SMCO2: variants seen among roughly 807,000 people sequenced by gnomAD.
The protein encoded by SMCO2 is single-pass membrane protein with coiled-coil domains 2, also known as single-pass membrane and coiled-coil domain-containing protein 2.
Under a neutral mutation model 29.5 loss-of-function variants are expected in SMCO2, and 25 were observed. That is an observed-to-expected ratio of 0.85 (90% CI 0.62 to 1.18). SMCO2 has a LOEUF of 1.18. Ranked by LOEUF, SMCO2 falls within the 50% of genes most tolerant of loss-of-function variation. The pLI is 0.00. For missense variants in SMCO2, 348 were observed against 344.5 expected, an observed-to-expected ratio of 1.01 and a Z score of -0.08; for synonymous variants, 117 against 123.3, an observed-to-expected ratio of 0.95 and a Z score of 0.34.
intron 4 of SMCO2, among the ~76,000 whole-genome samples, chr12:27,478,187 G>C (rs1430505101): frequency 6.6e-6 from 1 of 152,194 alleles, no homozygotes; most frequent in Non-Finnish European, 1.5e-5. Flanking sequence ...ATCAGCGTCA[G>C]TGGTATCTGT....
chr12:27,465,109 G>A (rs1949489189), upstream of SMCO2, among the ~76,000 whole-genome samples: 1 of 151,770 alleles, frequency 6.6e-6, no homozygotes, highest in African/African-American at 2.4e-5. Context: ...GAGTACCTGT[G>A]AGAACCCAGT....
chr12:27,451,845 C>T, the SMCO2 span, among the ~76,000 whole-genome samples: 1 of 152,208 alleles, frequency 6.6e-6, no homozygotes, highest in Non-Finnish European at 1.5e-5. Flanking sequence ...CATGGCTTCT[C>T]CTGTCCCAAC....
At chr12:27,430,776 A>G in the SMCO2 span, among the ~76,000 whole-genome samples, 3 of 152,100 alleles carry the variant, frequency 2.0e-5, no homozygotes, top group Non-Finnish European at 4.4e-5. Flanking sequence ...AAATGCTGGT[A>G]TTATCCCCCA....
intron 1 of SMCO2, among the ~76,000 whole-genome samples, chr12:27,469,420 G>A (rs575430077): frequency 2.0e-5 from 3 of 152,088 alleles, no homozygotes; most frequent in Non-Finnish European, 2.9e-5. Context: ...CAGAATGATC[G>A]ACCAAGCCCT....
upstream of SMCO2, among the ~76,000 whole-genome samples, chr12:27,465,028 C>CAA (rs35630976): frequency 7.1e-3 from 415 of 58,794 alleles, no homozygotes; most frequent in Middle Eastern, 0.045. Context: ...GACCCTGTCT[C>CAA]AAAAAAAAAA....
At chr12:27,501,648 G>C (rs1424992690) in intron 7 of SMCO2, among the ~76,000 whole-genome samples, 4 of 150,194 alleles carry the variant, frequency 2.7e-5, no homozygotes, top group African/African-American at 1.0e-4. Context: ...TAACCTGCTA[G>C]GATGTGAGAA....
At position 27,495,874 on chromosome 12, in the gene SMCO2, C is replaced by A. The variant is rs1942995051; in HGVS notation, c.683+19C>A. 2 of 1,423,072 alleles carry A rather than the reference C, an allele frequency of 1.4e-6. No homozygotes were observed. Among genetic ancestry groups the A allele is most frequent in the Non-Finnish European group, 1.9e-6 (2 of 1,067,798 alleles). 88.2% of individuals were successfully genotyped at this position (1,423,072 alleles called of 1,614,324 possible). The stretch of plus-strand genomic sequence containing the variant: ...CAGCATGGTAAGTCAGAGCAAGAGG[C>A]CATTCAGGGCTGGATGACTGCCCCA... On this transcript the variant is annotated intron_variant, in intron 7 of 7. Transcript: ENST00000298876.
chr12:27,472,614 G>A (rs1297743382), intron 2 of SMCO2, among the ~76,000 whole-genome samples, 162 bp from the exon 3 acceptor site: 2 of 152,160 alleles, frequency 1.3e-5, no homozygotes, highest in Non-Finnish European at 2.9e-5. Context: ...GATATAATAT[G>A]TGAGGTGTTA....
At chr12:27,437,329 A>G in the SMCO2 span, among the ~76,000 whole-genome samples, 4 of 152,202 alleles carry the variant, frequency 2.6e-5, no homozygotes, top group East Asian at 7.7e-4. Context: ...GTTAGAGCCA[A>G]CACCTTTTGG....
At chr12:27,440,143 G>C in the SMCO2 span, among the ~76,000 whole-genome samples, 5 of 152,268 alleles carry the variant, frequency 3.3e-5, no homozygotes, top group South Asian at 1.0e-3. Flanking sequence ...CAGTTCATCT[G>C]GCCACAGACC....
chr12:27,431,349 G>T, the SMCO2 span, among the ~76,000 whole-genome samples: 1 of 152,088 alleles, frequency 6.6e-6, no homozygotes, highest in Non-Finnish European at 1.5e-5. Flanking sequence ...ACATTTAGTG[G>T]TTAACTGTAG....
chr12:27,451,334 C>G, the SMCO2 span, among the ~76,000 whole-genome samples: 4 of 152,058 alleles, frequency 2.6e-5, no homozygotes, highest in African/African-American at 9.7e-5. Context: ...AGAGGGGGAC[C>G]CTGGGCTGGA....
chr12:27,477,634 C>CTTTTTTT (rs3051833), intron 4 of SMCO2, among the ~76,000 whole-genome samples: 1,540 of 109,256 alleles, frequency 0.014, 15 homozygotes, highest in South Asian at 0.024. Context: ...CTTTTTCATT[C>CTTTTTTT]TTTTTTTTTT....
the SMCO2 span, among the ~76,000 whole-genome samples, chr12:27,449,971 C>T: frequency 6.6e-6 from 1 of 152,222 alleles, no homozygotes; most frequent in Non-Finnish European, 1.5e-5. Flanking sequence ...TTCATTCGTT[C>T]TCACCTCCAT....
Position 27,472,883 on chromosome 12 carries a change from CT to C in SMCO2, c.234+9del. ...ACTGACTTCCTTCACAAGGTAGACACTGAAAAATGGGTAAGAGAGACACTTA... is the reference window on the plus strand; with the variant it reads ...ACTGACTTCCTTCACAAGGTAGACACGAAAAATGGGTAAGAGAGACACTTA... On this transcript the variant is annotated intron_variant, in intron 3 of 7. Coordinates refer to ENST00000298876, the Ensembl canonical transcript of SMCO2. 1 of 1,545,522 alleles carries C rather than the reference CT, an allele frequency of 6.5e-7. No homozygotes were observed. Among genetic ancestry groups the C allele is most frequent in the Non-Finnish European group, 8.8e-7 (1 of 1,142,220 alleles).
chr12:27,444,949 A>C, the SMCO2 span, among the ~76,000 whole-genome samples: 1 of 152,222 alleles, frequency 6.6e-6, no homozygotes, highest in Non-Finnish European at 1.5e-5. Flanking sequence ...GTGCCCATCA[A>C]TGGATGAATG....
At chr12:27,452,175 A>G in the SMCO2 span, among the ~76,000 whole-genome samples, 2 of 152,190 alleles carry the variant, frequency 1.3e-5, no homozygotes, top group Non-Finnish European at 2.9e-5. Context: ...AAGAAGGCTC[A>G]CTTCTTTTTT....
the SMCO2 span, among the ~76,000 whole-genome samples, chr12:27,456,856 A>G: frequency 6.6e-6 from 1 of 152,092 alleles, no homozygotes; most frequent in Non-Finnish European, 1.5e-5. Context: ...GCAGGAGGTG[A>G]GCAGCAGGCA....
chr12:27,475,706 A>G, intron 4 of SMCO2: 1 of 1,548,856 alleles, frequency 6.5e-7, no homozygotes, highest in Non-Finnish European at 8.7e-7. Flanking sequence ...TAAAAAAATA[A>G]ATGTAACAGA....
Sources: gnomAD v4.1 joint callset for allele counts (sites outside exome capture counted in the v4.1 genomes callset) on GRCh38, gnomAD v4.1.1 for gene constraint, MANE v1.5 for transcripts, NCBI Gene and HGNC (gene_info 2026-07-23, HGNC 2026-07-21) for gene names.